LRRC7: variants seen among roughly 807,000 people sequenced by gnomAD.
The protein encoded by LRRC7 is leucine-rich repeat-containing protein 7.
In LRRC7, 23 loss-of-function variants were observed where a neutral mutation model predicts 175.7. The observed-to-expected ratio is 0.13, with a 90% CI of 0.09 to 0.19. The LOEUF (loss-of-function observed/expected upper bound fraction) is 0.19, where lower values mean the gene tolerates loss of function less well. LRRC7 is among the 10% of genes least tolerant of loss of function. The probability of loss-of-function intolerance (pLI) is 1.00; values close to 1 mark genes in which losing one functional copy is unlikely to be tolerated. For missense variants in LRRC7, 1,354 were observed against 1,904.7 expected, an observed-to-expected ratio of 0.71 and a Z score of 5.38; for synonymous variants, 685 against 680.9, an observed-to-expected ratio of 1.01 and a Z score of -0.09.
chr1:70,094,029 C>T (rs1664217412), intron 25 of LRRC7, among the ~76,000 whole-genome samples: 1 of 152,096 alleles, frequency 6.6e-6, no homozygotes, highest in Non-Finnish European at 1.5e-5. Flanking sequence ...CTTCCTTGCT[C>T]CATCTGAGGG....
intron 4 of LRRC7, among the ~76,000 whole-genome samples, chr1:69,815,898 T>G (rs560708370): frequency 4.6e-5 from 7 of 152,154 alleles, no homozygotes; most frequent in Non-Finnish European, 1.0e-4. Flanking sequence ...GACTTGCCCC[T>G]TCTCACTATG....
intron 8 of LRRC7, among the ~76,000 whole-genome samples, chr1:69,949,478 C>T (rs12725425): frequency 0.36 from 54,741 of 151,858 alleles, 12,105 homozygotes; most frequent in East Asian, 0.59. Flanking sequence ...GATCACTTGG[C>T]CCTGGGAGGC....
chr1:69,577,003 C>G (rs191416363), intron 1 of LRRC7, among the ~76,000 whole-genome samples: 195 of 152,250 alleles, frequency 1.3e-3, no homozygotes, highest in East Asian at 7.3e-3. Context: ...GGAGGATGGA[C>G]GTTTTTTGTT....
chr1:69,570,239 T>C (rs1158705243), intron 1 of LRRC7, among the ~76,000 whole-genome samples: 1 of 152,080 alleles, frequency 6.6e-6, no homozygotes, highest in Non-Finnish European at 1.5e-5. Context: ...TATTAGGAAC[T>C]CGATTTTCTT....
intron 7 of LRRC7, among the ~76,000 whole-genome samples, chr1:69,855,575 T>C (rs541339842): frequency 6.6e-6 from 1 of 152,240 alleles, no homozygotes; most frequent in East Asian, 1.9e-4. Context: ...ATAAGTGCGA[T>C]GTGGTGCTGA....
intron 1 of LRRC7, among the ~76,000 whole-genome samples, chr1:69,611,230 C>T (rs900307268): frequency 1.3e-5 from 2 of 151,696 alleles, no homozygotes. Context: ...TTTCATATAT[C>T]GTCAATATTA....
chr1:69,737,479 AG>A (rs1418335277), intron 2 of LRRC7, among the ~76,000 whole-genome samples: 1 of 152,060 alleles, frequency 6.6e-6, no homozygotes, highest in Admixed American at 6.6e-5. Context: ...ACCCAGTCTC[AG>A]GTATTTCTTC....
chr1:69,843,646 C>T (rs561535526), intron 7 of LRRC7, among the ~76,000 whole-genome samples: 3 of 152,076 alleles, frequency 2.0e-5, no homozygotes, highest in African/African-American at 7.2e-5. Context: ...TTTGTGAATA[C>T]CCAAGGACAT....
intron 7 of LRRC7, 75 bp downstream of exon 7, chr1:69,838,358 T>C: frequency 1.6e-6 from 2 of 1,235,684 alleles, no homozygotes; most frequent in Middle Eastern, 2.0e-4. Context: ...ACTTTTATTT[T>C]GTCTGTGTTT....
chr1:69,641,159 T>A (rs1489644408), intron 1 of LRRC7, among the ~76,000 whole-genome samples: 1 of 151,626 alleles, frequency 6.6e-6, no homozygotes, highest in Non-Finnish European at 1.5e-5. Flanking sequence ...TAGGAATAAA[T>A]TCACTCACTC....
In LRRC7 at chr1:69,925,182, T is replaced by G. The variant is rs141067932; in HGVS notation, c.648-6325T>G. ...ATCATGGTGGATAAGCTTTTTGATG[T>G]GCTGCTGGATTCGGTTTGCCAGTAT... is the stretch of plus-strand genomic sequence containing the variant. On this transcript the variant is annotated intron_variant, in intron 7 of 26. Coordinates refer to ENST00000651989, the MANE Select transcript of LRRC7 (RefSeq NM_001370785.2). Among the ~76,000 whole-genome samples the G allele has an allele frequency of 8.4e-3, 1,273 of 152,310 alleles. 23 individuals carry two copies. The highest frequency in any genetic ancestry group is 0.029 in the African/African-American group (1,212 of 41,558).
At position 70,142,564 on chromosome 1, in the gene LRRC7, G is replaced by T. The variant is rs972227624; in HGVS notation, c.*20677G>T. On this transcript the variant is annotated 3_prime_UTR_variant, in exon 27 of 27. Coordinates refer to ENST00000651989, the MANE Select transcript of LRRC7 (RefSeq NM_001370785.2). The stretch of plus-strand genomic sequence containing the variant: ...AATGACATTGTCTTCATATGAAGAA[G>T]AAATTTTTTACTAGTGGAAAATTAG... 3 of 152,160 alleles carry T rather than the reference G, an allele frequency of 2.0e-5. No individual in the cohort carries two copies. The highest frequency in any genetic ancestry group is 2.1e-4 in the South Asian group (1 of 4,826). 9.4% of individuals were successfully genotyped at this position (152,160 alleles called of 1,614,324 possible). A position where few individuals can be genotyped will look rare whatever the true frequency, so the allele number is the denominator to read the frequency against.
At chr1:69,759,020 C>T (rs921012613) in intron 2 of LRRC7, among the ~76,000 whole-genome samples, 3 of 151,912 alleles carry the variant, frequency 2.0e-5, no homozygotes, top group Admixed American at 6.6e-5. Flanking sequence ...GAAACAAGAT[C>T]TCCTCAGAGA....
At chr1:69,822,585 G>T (rs1333882357) in intron 4 of LRRC7, among the ~76,000 whole-genome samples, 2 of 152,154 alleles carry the variant, frequency 1.3e-5, no homozygotes, top group African/African-American at 4.8e-5. Context: ...TCTAAGTGGG[G>T]CAAGAAAGAG....
At chr1:69,823,584 A>T (rs928988194) in intron 4 of LRRC7, among the ~76,000 whole-genome samples, 2 of 152,126 alleles carry the variant, frequency 1.3e-5, no homozygotes, top group African/African-American at 4.8e-5. Flanking sequence ...TTAATAATGT[A>T]TATATTCACA....
At chr1:70,022,587 G>T (rs1657627485) in intron 16 of LRRC7, among the ~76,000 whole-genome samples, 1 of 151,880 alleles carries the variant, frequency 6.6e-6, no homozygotes, top group Admixed American at 6.6e-5. Flanking sequence ...ATTTACATTT[G>T]GTTTATTTAT....
intron 1 of LRRC7, among the ~76,000 whole-genome samples, chr1:69,612,410 G>C (rs1481662829): frequency 6.6e-6 from 1 of 151,948 alleles, no homozygotes; most frequent in Non-Finnish European, 1.5e-5. Flanking sequence ...ATGAATTAAA[G>C]ACAATTAGGT....
In LRRC7 at chr1:70,122,213, C is replaced by T. The variant is rs1666247293; in HGVS notation, c.*326C>T. The T allele has an allele frequency of 5.3e-6, 1 of 189,838 alleles. No individual in the cohort carries two copies. The highest frequency in any genetic ancestry group is 2.4e-5 in the African/African-American group (1 of 42,114). The allele number at this position is 189,838 out of a possible 1,614,324, so 11.8% of individuals were successfully genotyped here. On this transcript the variant is annotated 3_prime_UTR_variant, in exon 27 of 27. Transcript: ENST00000651989. ...TTCGGAGCACGGAAGCACACACAAG[C>T]TCTTTATGAATTCTGCTCTCCATCA...
At position 70,122,112 on chromosome 1, in the gene LRRC7, T is replaced by C; in HGVS notation, c.*225T>C. On this transcript the variant is annotated 3_prime_UTR_variant, in exon 27 of 27. Coordinates refer to ENST00000651989, the MANE Select transcript of LRRC7 (RefSeq NM_001370785.2). ...TTAATTGTCAGCCTCTGGCTGTGCATTGGTGCAGTTTTGTTTCTGTTTTTG... is the reference window on the plus strand; with the variant it reads ...TTAATTGTCAGCCTCTGGCTGTGCACTGGTGCAGTTTTGTTTCTGTTTTTG... The C allele has an allele frequency of 2.9e-6, 1 of 342,238 alleles. No individual in the cohort carries two copies. The highest frequency in any genetic ancestry group is 5.3e-6 in the Non-Finnish European group (1 of 190,208). The allele number at this position is 342,238 out of a possible 1,614,324, so 21.2% of individuals were successfully genotyped here. A position where few individuals can be genotyped will look rare whatever the true frequency, so the allele number is the denominator to read the frequency against.
Sources: gnomAD v4.1 joint callset for allele counts (sites outside exome capture counted in the v4.1 genomes callset) on GRCh38, gnomAD v4.1.1 for gene constraint, MANE v1.5 for transcripts, NCBI Gene and HGNC (gene_info 2026-07-23, HGNC 2026-07-21) for gene names.